PHACTR1: variants seen among roughly 807,000 people sequenced by gnomAD.
The protein encoded by PHACTR1 is phosphatase and actin regulator 1, also known as RPEL repeat containing 1.
In PHACTR1, 16 loss-of-function variants were observed where a neutral mutation model predicts 69.2. That is an observed-to-expected ratio of 0.23 (90% CI 0.16 to 0.35). PHACTR1 has a LOEUF of 0.35. PHACTR1 is among the 10% of genes least tolerant of loss of function. The pLI is 1.00. For missense variants in PHACTR1, 510 were observed against 734.7 expected (o/e 0.69, Z 3.54); for synonymous variants, 312 against 284.5 (o/e 1.10, Z -0.97).
intron 5 of PHACTR1, among the ~76,000 whole-genome samples, chr6:13,132,650 T>C (rs1045350727): frequency 1.3e-5 from 2 of 152,032 alleles, no homozygotes; most frequent in Admixed American, 6.6e-5. Flanking sequence ...GTAACAGTTA[T>C]GTTTATGCTA....
intron 4 of PHACTR1, among the ~76,000 whole-genome samples, chr6:12,846,213 T>C (rs1057308479): frequency 3.3e-5 from 5 of 152,198 alleles, no homozygotes; most frequent in African/African-American, 1.2e-4. Flanking sequence ...TGGCACATAA[T>C]GAGAGCTTAG....
intron 4 of PHACTR1, among the ~76,000 whole-genome samples, chr6:12,960,212 A>G (rs543889373): frequency 6.6e-6 from 1 of 152,346 alleles, no homozygotes; most frequent in South Asian, 2.1e-4. Flanking sequence ...TATGGGAAGT[A>G]AATTATATAG....
chr6:12,959,187 A>AAAAAAG (rs1792325928), intron 4 of PHACTR1, among the ~76,000 whole-genome samples: 2 of 109,306 alleles, frequency 1.8e-5, no homozygotes, highest in Non-Finnish European at 3.5e-5. Context: ...AAAAAAAAAA[A>AAAAAAG]AAAAAAAAGA....
chr6:13,013,005 C>A (rs1357552363), intron 4 of PHACTR1, among the ~76,000 whole-genome samples: 4 of 152,208 alleles, frequency 2.6e-5, no homozygotes, highest in African/African-American at 9.6e-5. Context: ...TGTGCCACAA[C>A]ACTCTAGCGA....
At chr6:13,090,765 T>C (rs576053319) in intron 5 of PHACTR1, among the ~76,000 whole-genome samples, 15 of 152,162 alleles carry the variant, frequency 9.9e-5, no homozygotes, top group Non-Finnish European at 1.6e-4. Flanking sequence ...TTTGTTTTTT[T>C]AGTAAAATGA....
chr6:13,179,983 G>A lies in PHACTR1; in HGVS notation c.497-2536G>A, dbSNP rs1761979517. Among the ~76,000 whole-genome samples the A allele has an allele frequency of 6.6e-6, 1 of 152,124 alleles. No homozygotes were observed. The highest frequency in any genetic ancestry group is 2.4e-5 in the African/African-American group (1 of 41,428). Reference sequence around the variant, plus strand: ...GCAGAAAAATTGTATGCAAGACGATGGTCCTCACTGCATTTTTTTCATAAT... The same window carrying A: ...GCAGAAAAATTGTATGCAAGACGATAGTCCTCACTGCATTTTTTTCATAAT... On this transcript the variant is annotated intron_variant, in intron 6 of 14. Transcript: ENST00000332995. This position sits in a 1 kb window ranked among gnomAD's most constrained non-coding sequence, Gnocchi z 4.2.
At chr6:12,966,224 C>T (rs987406452) in intron 4 of PHACTR1, among the ~76,000 whole-genome samples, 8 of 152,096 alleles carry the variant, frequency 5.3e-5, no homozygotes, top group South Asian at 2.1e-4. Context: ...TGGGGGCAGA[C>T]GGGCCAGCTG....
At chr6:12,725,824 C>T (rs1762713971) in intron 3 of PHACTR1, among the ~76,000 whole-genome samples, 1 of 152,050 alleles carries the variant, frequency 6.6e-6, no homozygotes. Context: ...TATTAAATGT[C>T]TCTATTGAAC....
intron 7 of PHACTR1, among the ~76,000 whole-genome samples, chr6:13,203,120 G>A (rs2113858298): frequency 6.6e-6 from 1 of 152,236 alleles, no homozygotes; most frequent in African/African-American, 2.4e-5. Context: ...ATTGTAATCT[G>A]TTTCAGGCTC....
chr6:13,240,052 A>T (rs1257429138), intron 10 of PHACTR1, among the ~76,000 whole-genome samples: 15 of 146,360 alleles, frequency 1.0e-4, no homozygotes, highest in African/African-American at 3.6e-4. Flanking sequence ...AGTTTCTTTA[A>T]AAAAAAAAAA....
At chr6:12,780,319 G>A (rs528294567) in intron 4 of PHACTR1, among the ~76,000 whole-genome samples, 76 of 151,826 alleles carry the variant, frequency 5.0e-4, no homozygotes, top group Middle Eastern at 6.8e-3. Flanking sequence ...TTGTGTGTGC[G>A]TGTGCATGTA....
chr6:12,908,665 G>A (rs1019888129), intron 4 of PHACTR1, among the ~76,000 whole-genome samples: 1 of 152,182 alleles, frequency 6.6e-6, no homozygotes, highest in Non-Finnish European at 1.5e-5. Context: ...GTGGGGAAGT[G>A]GGGCCAGCCT....
intron 8 of PHACTR1, among the ~76,000 whole-genome samples, chr6:13,224,121 T>C (rs552864230): frequency 8.5e-5 from 13 of 152,358 alleles, no homozygotes; most frequent in African/African-American, 2.6e-4. Context: ...GCATCTACTT[T>C]GTGTCAGGCA....
At chr6:12,886,728 C>T (rs1355203574) in intron 4 of PHACTR1, among the ~76,000 whole-genome samples, 1 of 152,090 alleles carries the variant, frequency 6.6e-6, no homozygotes, top group Non-Finnish European at 1.5e-5. Context: ...ACACCTGATG[C>T]TGAAAGGAGA....
intron 4 of PHACTR1, among the ~76,000 whole-genome samples, chr6:12,826,050 C>T (rs960761363): frequency 6.6e-6 from 1 of 152,128 alleles, no homozygotes; most frequent in Non-Finnish European, 1.5e-5. Flanking sequence ...TGTGCATGCA[C>T]ATAGATGACA....
chr6:12,821,899 C>T (rs1776266931), intron 4 of PHACTR1, among the ~76,000 whole-genome samples: 1 of 152,178 alleles, frequency 6.6e-6, no homozygotes, highest in South Asian at 2.1e-4. Context: ...GGGTCACAGG[C>T]TTGACTGCGT....
chr6:13,014,041 A>G (rs1436220906), intron 4 of PHACTR1, among the ~76,000 whole-genome samples: 3 of 151,866 alleles, frequency 2.0e-5, no homozygotes, highest in African/African-American at 4.8e-5. Flanking sequence ...CCCGCCCCCA[A>G]CAACAACAAC....
chr6:12,999,821 G>A (rs373979888), intron 4 of PHACTR1, among the ~76,000 whole-genome samples: 6 of 152,288 alleles, frequency 3.9e-5, no homozygotes, highest in East Asian at 3.9e-4. Context: ...GGGAGCATCC[G>A]TGATGTTTGG....
At chr6:12,750,132 C>T (rs761697894) in intron 4 of PHACTR1, among the ~76,000 whole-genome samples, 92 of 152,214 alleles carry the variant, frequency 6.0e-4, no homozygotes, top group Non-Finnish European at 1.1e-3. Flanking sequence ...CGAGGCTCCC[C>T]GGGCGAGGTT....
Sources: allele counts gnomAD v4.1 joint callset (sites outside exome capture counted in the v4.1 genomes callset), GRCh38; gene constraint gnomAD v4.1.1; non-coding constraint Gnocchi (gnomAD v3.1); transcripts MANE v1.5; gene names NCBI Gene and HGNC (gene_info 2026-07-23, HGNC 2026-07-21).